The following TET3 variants were observed in gnomAD, a reference collection of about 807,000 sequenced individuals.
TET3 encodes methylcytosine dioxygenase TET3.
TET3 carries 19 observed loss-of-function variants against 141.4 expected under a neutral mutation model. The observed-to-expected ratio is 0.13, with a 90% CI of 0.09 to 0.20. The LOEUF is 0.20. Among genes scored for constraint, TET3 ranks in the 10% least tolerant of loss-of-function variants. The pLI is 1.00. For synonymous variants in TET3, 1,043 were observed against 980.9 expected, an observed-to-expected ratio of 1.06 and a Z score of -1.18; for missense variants, 1,874 against 2,356.9, an observed-to-expected ratio of 0.80 and a Z score of 4.24.
intron 3 of TET3, among the ~76,000 whole-genome samples, chr2:74,009,770 T>C (rs781696964): frequency 4.6e-5 from 7 of 152,342 alleles, no homozygotes; most frequent in African/African-American, 7.2e-5. Flanking sequence ...CCCAGGGCTC[T>C]ATGTCAATCA....
In TET3 at chr2:74,073,692, C is replaced by T. The variant is rs780280629; in HGVS notation, c.2585+53C>T. On this transcript the variant is annotated intron_variant, in intron 5 of 11. Coordinates refer to ENST00000409262, the MANE Select transcript of TET3 (RefSeq NM_001287491.2). Reference sequence around the variant, plus strand: ...AAATGGATGTGCTGTTAATGGAATACGGATATTAAGCGCCTCTCATTTTTC... The same window carrying T: ...AAATGGATGTGCTGTTAATGGAATATGGATATTAAGCGCCTCTCATTTTTC... The T allele has an allele frequency of 4.1e-5, 59 of 1,423,374 alleles. No individual in the cohort carries two copies. The Middle Eastern group carries it at 7.0e-4, about 17-fold the overall frequency. 88.2% of individuals were successfully genotyped at this position (1,423,374 alleles called of 1,614,324 possible). A position where few individuals can be genotyped will look rare whatever the true frequency, so the allele number is the denominator to read the frequency against.
chr2:74,072,571 C>A (rs895598078), intron 4 of TET3, among the ~76,000 whole-genome samples: 1 of 151,544 alleles, frequency 6.6e-6, no homozygotes, highest in African/African-American at 2.4e-5. Flanking sequence ...ATCAGAACTT[C>A]TTTTATTTAA....
intron 2 of TET3, among the ~76,000 whole-genome samples, chr2:73,992,305 C>CT (rs567880207): frequency 0.012 from 1,781 of 144,044 alleles, 77 homozygotes; most frequent in Admixed American, 0.083. Context: ...TTTTTCTTTT[C>CT]TTTTTTTTTT....
chr2:74,037,714 A>G (rs749536388), intron 3 of TET3, among the ~76,000 whole-genome samples: 2 of 152,234 alleles, frequency 1.3e-5, no homozygotes, highest in African/African-American at 2.4e-5. Flanking sequence ...ACAGTCAGCA[A>G]AACAGCCCTC....
At position 74,093,082 on chromosome 2, in the gene TET3, T is replaced by A; in HGVS notation, c.3129+91T>A. On this transcript the variant is annotated intron_variant, in intron 9 of 11. Coordinates refer to ENST00000409262, the MANE Select transcript of TET3 (RefSeq NM_001287491.2). The surrounding 1 kb of genome is among the most constrained non-coding windows in gnomAD (Gnocchi z 4.2). ...GTGGGAAGTGGGAGAGTGGGCTCTT[T>A]TACTCTCTTATGGGAAGAGCCTAGT... 8.4e-7 allele frequency: 1 copy of A among 1,195,080 alleles called. No individual in the cohort carries two copies. The highest frequency in any genetic ancestry group is 2.1e-5 in the Admixed American group (1 of 48,226). The allele number at this position is 1,195,080 out of a possible 1,614,324, so 74.0% of individuals were successfully genotyped here. A position where few individuals can be genotyped will look rare whatever the true frequency, so the allele number is the denominator to read the frequency against.
At position 74,102,393 on chromosome 2, in the gene TET3, A is replaced by T. The variant is rs1374799964; in HGVS notation, c.*217A>T. On this transcript the variant is annotated 3_prime_UTR_variant, in exon 12 of 12. Transcript: ENST00000409262. ...CACTTCCCCAGCACTTTGAAGAAGA[A>T]ACTACGGCTGTCGGGTGATTTTTCC... 4 of 598,652 alleles carry T rather than the reference A, an allele frequency of 6.7e-6. No homozygotes were observed. The highest frequency in any genetic ancestry group is 9.6e-6 in the Non-Finnish European group (4 of 417,658). The allele number at this position is 598,652 out of a possible 1,614,324, so 37.1% of individuals were successfully genotyped here. A position where few individuals can be genotyped will look rare whatever the true frequency, so the allele number is the denominator to read the frequency against.
chr2:74,122,677 CTTTT>C, the TET3 span, among the ~76,000 whole-genome samples: 17 of 42,406 alleles, frequency 4.0e-4, no homozygotes, highest in Admixed American at 2.0e-3. Context: ...CTACACCTAG[CTTTT>C]TTTTTTTTTT....
rs1287713932 is a variant in TET3 at position 74,102,690 on chromosome 2, GC to G, written c.*518del. ...AGTCTCGCTGGGTCTGGCGAGCCAA[GC>G]CCCTCGGGCGCTGGCGAGGTCCTCA... On this transcript the variant is annotated 3_prime_UTR_variant, in exon 12 of 12. Transcript: ENST00000409262. 6.6e-6 allele frequency: 1 copy of G among 152,184 alleles called. No homozygotes were observed. Among genetic ancestry groups the G allele is most frequent in the Non-Finnish European group, 1.5e-5 (1 of 68,042 alleles). 9.4% of individuals were successfully genotyped at this position (152,184 alleles called of 1,614,324 possible). A position where few individuals can be genotyped will look rare whatever the true frequency, so the allele number is the denominator to read the frequency against.
intron 3 of TET3, among the ~76,000 whole-genome samples, chr2:74,035,725 TC>T (rs1687014766): frequency 6.6e-6 from 1 of 151,684 alleles, no homozygotes; most frequent in African/African-American, 2.4e-5. Flanking sequence ...AGACTCTGTT[TC>T]AAAAAAAGTA....
At chr2:74,134,925 G>T in the TET3 span, 1 of 365,000 alleles carries the variant, frequency 2.7e-6, no homozygotes, top group Non-Finnish European at 5.6e-6. Flanking sequence ...TTGCTCCCAA[G>T]TTCAGGGCAG....
rs57360501 is a variant in TET3 at position 74,003,183 on chromosome 2, CGTGCGTGTGT to C, written c.360+31_360+40del. Reference sequence around the variant, plus strand: ...GCTGTCAAGGTACCTTGTGTGTGTGCGTGCGTGTGTGTGCGTGTGTGTGGTGGCGGTGAAG... The same window carrying C: ...GCTGTCAAGGTACCTTGTGTGTGTGCGTGCGTGTGTGTGGTGGCGGTGAAG... On this transcript the variant is annotated intron_variant, in intron 3 of 11. Coordinates refer to ENST00000409262, the MANE Select transcript of TET3 (RefSeq NM_001287491.2). 0.11 allele frequency: 168,704 copies of C among 1,548,808 alleles called. 10,054 individuals carry two copies. The highest frequency in any genetic ancestry group is 0.15 in the Admixed American group (7,398 of 50,868).
chr2:74,092,770 G>C (rs370464068), intron 8 of TET3, 132 bp from the exon 9 acceptor site: 2 of 751,080 alleles, frequency 2.7e-6, no homozygotes, highest in East Asian at 2.7e-5. Context: ...TGAAGGAAAG[G>C]CCAGAAAGAC....
In TET3 at chr2:74,093,439, C is replaced by T. The variant is rs1690626494; in HGVS notation, c.3130-90C>T. 1.4e-6 allele frequency: 2 copies of T among 1,455,442 alleles called. No individual in the cohort carries two copies. The highest frequency in any genetic ancestry group is 9.1e-7 in the Non-Finnish European group (1 of 1,095,944). 90.2% of individuals were successfully genotyped at this position (1,455,442 alleles called of 1,614,324 possible). ...GCAAGGTGACTATCATCCTTAACAT[C>T]CCTCCTTCCAAGACCTGGCCTCCCC... On this transcript the variant is annotated intron_variant, in intron 9 of 11. Coordinates refer to ENST00000409262, the MANE Select transcript of TET3 (RefSeq NM_001287491.2). The surrounding 1 kb of genome is among the most constrained non-coding windows in gnomAD (Gnocchi z 4.2).
At chr2:74,110,693 C>G (rs1025472148), downstream of TET3, among the ~76,000 whole-genome samples, 2 of 152,126 alleles carry the variant, frequency 1.3e-5, no homozygotes, top group African/African-American at 4.8e-5. Flanking sequence ...GAAGCCCAAC[C>G]CCAGGCCCAG....
At chr2:74,100,358 C>G in intron 11 of TET3, 35 bp from the exon 12 acceptor site, 1 of 1,546,190 alleles carries the variant, frequency 6.5e-7, no homozygotes, top group Non-Finnish European at 8.7e-7. Flanking sequence ...GTGGTGTTGT[C>G]TGCCCCTCTG....
At position 74,046,644 on chromosome 2, in the gene TET3, C is replaced by A. The variant is rs1202555714; in HGVS notation, c.727C>A (p.Pro243Thr). 6.2e-7 allele frequency: 1 copy of A among 1,614,058 alleles called. No homozygotes were observed. Residue 243 changes from proline to threonine, a missense_variant, in exon 4 of 12, where the codon CCT becomes ACT. By Grantham distance (38) the Pro-to-Thr change is conservative. Around this residue, in one of 10 missense-constraint regions of TET3, gnomAD observed 366 missense variants for 487.0 expected, o/e 0.75. Transcript: ENST00000409262. This position sits in a 1 kb window ranked among gnomAD's most constrained non-coding sequence, Gnocchi z 4.3. ...CAACAGCAGGGGACCCCGGCCAGGGCCTGAGGGCTGCTCTGCTGGCAGCGA... is the reference window on the plus strand; with the variant it reads ...CAACAGCAGGGGACCCCGGCCAGGGACTGAGGGCTGCTCTGCTGGCAGCGA... ...GNNSRGPRPGPEGCSAGSEDL... is the reference protein window; with the variant it reads ...GNNSRGPRPGTEGCSAGSEDL...
chr2:74,013,823 GTAA>G (rs1022838805), intron 3 of TET3, among the ~76,000 whole-genome samples: 1 of 152,000 alleles, frequency 6.6e-6, no homozygotes, highest in Non-Finnish European at 1.5e-5. Flanking sequence ...AAAAAAAATA[GTAA>G]TAATAATTCC....
In TET3 at chr2:74,099,246, A is replaced by G. The variant is rs547362528; in HGVS notation, c.3268-30A>G. The G allele has an allele frequency of 2.0e-6, 3 of 1,535,982 alleles. No homozygotes were observed. In the East Asian group the frequency reaches 7.3e-5, roughly 37 times the overall value. ...TCCCAGCACTCGGTCCCCCAACCCC[A>G]TGTCCTCTCTCCCCCACTGCTTGGG... On this transcript the variant is annotated intron_variant, in intron 10 of 11. Transcript: ENST00000409262.
chr2:74,064,909 TAA>T (rs1327465589), intron 4 of TET3, among the ~76,000 whole-genome samples: 1 of 152,242 alleles, frequency 6.6e-6, no homozygotes, highest in East Asian at 1.9e-4. Context: ...AGGCTATTAG[TAA>T]AGTTTCAGAG....
Sources: gnomAD v4.1 joint callset for allele counts (sites outside exome capture counted in the v4.1 genomes callset) on GRCh38, gnomAD v4.1.1 for gene constraint, gnomAD v4.1.1 regional missense constraint, Gnocchi (gnomAD v3.1) non-coding constraint, MANE v1.5 for transcripts, NCBI Gene and HGNC (gene_info 2026-07-23, HGNC 2026-07-21) for gene names.